LRP1B: variants seen among roughly 807,000 people sequenced by gnomAD.
LRP1B encodes low-density lipoprotein receptor-related protein 1B.
In LRP1B, 217 loss-of-function variants were observed where a neutral mutation model predicts 556.6. That is an observed-to-expected ratio of 0.39 (90% CI 0.35 to 0.44). The LOEUF (loss-of-function observed/expected upper bound fraction) is 0.44. Among genes scored for constraint, LRP1B ranks in the 20% least tolerant of loss-of-function variants. The pLI is 1.00. For missense variants in LRP1B, 5,053 were observed against 5,620.8 expected (o/e 0.90, Z 3.23); for synonymous variants, 2,047 against 1,865.8 (o/e 1.10, Z -2.50).
At chr2:140,526,214 C>A (rs1249214907) in intron 48 of LRP1B, 23 bp downstream of exon 48, 1 of 1,598,210 alleles carries the variant, frequency 6.3e-7, no homozygotes, top group Non-Finnish European at 8.6e-7. Context: ...CATAAACAGA[C>A]AAAAGGTAGT....
At chr2:141,152,912 ATTC>A (rs1701959956) in intron 7 of LRP1B, among the ~76,000 whole-genome samples, 1 of 151,302 alleles carries the variant, frequency 6.6e-6, no homozygotes, top group African/African-American at 2.4e-5. Flanking sequence ...AATTTAATAT[ATTC>A]TTTGTAGAAT....
In LRP1B at chr2:140,373,088, C is replaced by G. The variant is rs1255585339; in HGVS notation, c.10688G>C (p.Gly3563Ala). 1 of 1,613,242 alleles carries G rather than the reference C, an allele frequency of 6.2e-7. No homozygotes were observed. The highest frequency in any genetic ancestry group is 1.7e-5 in the Admixed American group (1 of 59,950). The change falls in exon 69 of 91, where the codon GGT becomes GCT. Residue 3563 changes from glycine (G) to alanine (A), a missense_variant. Coordinates refer to ENST00000389484, the MANE Select transcript of LRP1B (RefSeq NM_018557.3). ...TTTCCATTTTGCTGGTATACACTGA[C>G]CATTGGAACACCGGAACTGATCTTT... ...CSKDQFRCSNGQCIPAKWKCD... is the reference protein window; with the variant it reads ...CSKDQFRCSNAQCIPAKWKCD...
chr2:141,960,542 T>C (rs1701374555), intron 1 of LRP1B, among the ~76,000 whole-genome samples: 1 of 151,892 alleles, frequency 6.6e-6, no homozygotes, highest in South Asian at 2.1e-4. Flanking sequence ...AAAGCATAAA[T>C]GTTTTTCAAA....
At chr2:141,587,444 G>A (rs1480069277) in intron 2 of LRP1B, among the ~76,000 whole-genome samples, 1 of 152,176 alleles carries the variant, frequency 6.6e-6, no homozygotes, top group Non-Finnish European at 1.5e-5. Flanking sequence ...CTAGTTCAAA[G>A]AAATGTTATG....
chr2:140,281,656 C>A (rs758605518), intron 84 of LRP1B, among the ~76,000 whole-genome samples: 26 of 151,758 alleles, frequency 1.7e-4, no homozygotes, highest in Non-Finnish European at 3.8e-4. Flanking sequence ...TTTAAGTATG[C>A]ATTTGATAAT....
Position 140,572,294 on chromosome 2 carries a change from G to GA in LRP1B, c.7194+26336dup, listed in dbSNP as rs200263332. On this transcript the variant is annotated intron_variant, in intron 43 of 90. Transcript: ENST00000389484. ...CATAAGGAACCTAAAAAGCTCAACA[G>GA]AAAAAAAAATCATTCAATTAAAAAA... Among the ~76,000 whole-genome samples the GA allele has an allele frequency of 2.9e-3, 430 of 149,242 alleles. 5 individuals carry two copies. The highest frequency in any genetic ancestry group is 0.02 in the East Asian group (102 of 5,120).
At chr2:141,503,288 AT>A (rs1683798961) in intron 2 of LRP1B, among the ~76,000 whole-genome samples, 2 of 148,254 alleles carry the variant, frequency 1.3e-5, no homozygotes, top group Admixed American at 6.8e-5. Flanking sequence ...ATATACAATT[AT>A]TTTTATATAT....
At chr2:141,454,523 T>C (rs1681556429) in intron 3 of LRP1B, among the ~76,000 whole-genome samples, 1 of 127,698 alleles carries the variant, frequency 7.8e-6, no homozygotes, top group South Asian at 2.6e-4. Context: ...CATACATTAA[T>C]ATTTAATATT....
At chr2:142,069,145 T>C (rs1029319942) in intron 1 of LRP1B, among the ~76,000 whole-genome samples, 17 of 151,588 alleles carry the variant, frequency 1.1e-4, no homozygotes, top group Admixed American at 7.9e-4. Context: ...GAAATTTGTG[T>C]TTGTATGCAC....
chr2:141,990,100 A>T (rs1702304173), intron 1 of LRP1B, among the ~76,000 whole-genome samples: 1 of 152,114 alleles, frequency 6.6e-6, no homozygotes, highest in Non-Finnish European at 1.5e-5. Flanking sequence ...TCAAAGCACT[A>T]AAGATTTCAG....
At chr2:140,255,346 C>A (rs1438796961) in intron 86 of LRP1B, among the ~76,000 whole-genome samples, 1 of 152,080 alleles carries the variant, frequency 6.6e-6, no homozygotes, top group African/African-American at 2.4e-5. Flanking sequence ...TTCACTAAAT[C>A]TAAAATGCTA....
At chr2:141,064,444 T>A (rs1014141111) in intron 7 of LRP1B, among the ~76,000 whole-genome samples, 1 of 151,930 alleles carries the variant, frequency 6.6e-6, no homozygotes, top group African/African-American at 2.4e-5. Flanking sequence ...CTGATTCTCA[T>A]ATTTTTTTCT....
intron 66 of LRP1B, among the ~76,000 whole-genome samples, chr2:140,422,872 G>A (rs1461024023): frequency 1.3e-5 from 2 of 152,192 alleles, no homozygotes; most frequent in Admixed American, 6.5e-5. Context: ...AGATGGAAAT[G>A]TGTGGATTTG....
chr2:140,962,144 G>A (rs536846721), intron 18 of LRP1B, among the ~76,000 whole-genome samples: 2 of 152,330 alleles, frequency 1.3e-5, no homozygotes, highest in South Asian at 2.1e-4. Flanking sequence ...TAAGGATTCA[G>A]TGCTACTGTA....
At chr2:140,412,833 T>A (rs1236316943) in intron 66 of LRP1B, among the ~76,000 whole-genome samples, 1 of 152,118 alleles carries the variant, frequency 6.6e-6, no homozygotes, top group Non-Finnish European at 1.5e-5. Flanking sequence ...ATAAGTATAC[T>A]GAAGATTTCT....
intron 2 of LRP1B, among the ~76,000 whole-genome samples, chr2:141,736,059 G>A (rs1400697858): frequency 6.6e-6 from 1 of 152,076 alleles, no homozygotes; most frequent in Non-Finnish European, 1.5e-5. Flanking sequence ...GGAGACACTG[G>A]GAACAATTCT....
chr2:140,829,264 A>G (rs568513690), intron 31 of LRP1B, among the ~76,000 whole-genome samples: 2 of 152,324 alleles, frequency 1.3e-5, no homozygotes, highest in South Asian at 4.1e-4. Flanking sequence ...ATGTTAAACT[A>G]CACTCTAGAC....
At chr2:141,487,496 G>A (rs1442635079) in intron 2 of LRP1B, among the ~76,000 whole-genome samples, 3 of 151,996 alleles carry the variant, frequency 2.0e-5, no homozygotes, top group Non-Finnish European at 2.9e-5. Context: ...TTCATCTCAC[G>A]AATACTCTCA....
At chr2:141,141,254 C>CT (rs1277162207) in intron 7 of LRP1B, among the ~76,000 whole-genome samples, 1 of 151,962 alleles carries the variant, frequency 6.6e-6, no homozygotes, top group African/African-American at 2.4e-5. Flanking sequence ...GTAATGCCAT[C>CT]TTTTTTTTCT....
Sources: allele counts gnomAD v4.1 joint callset (sites outside exome capture counted in the v4.1 genomes callset), GRCh38; gene constraint gnomAD v4.1.1; transcripts MANE v1.5; gene names NCBI Gene and HGNC (gene_info 2026-07-23, HGNC 2026-07-21).